The following TNFSF9 variants were observed in gnomAD, a reference collection of about 807,000 sequenced individuals.
The protein encoded by TNFSF9 is TNF superfamily member 9, also known as tumor necrosis factor ligand superfamily member 9.
A neutral mutation model predicts 10.3 loss-of-function variants in TNFSF9; 10 were observed. The observed-to-expected ratio is 0.97, with a 90% CI of 0.60 to 1.65. The LOEUF (loss-of-function observed/expected upper bound fraction) is 1.65. Ranked by LOEUF, TNFSF9 falls within the 40% of genes most tolerant of loss-of-function variation. TNFSF9 has a pLI of 0.00. For synonymous variants in TNFSF9, 195 were observed against 176.1 expected, an observed-to-expected ratio of 1.11 and a Z score of -0.85; for missense variants, 361 against 348.9, an observed-to-expected ratio of 1.03 and a Z score of -0.28.
chr19:6,534,489 C>T (rs1394433240), intron 2 of TNFSF9, 111 bp from the exon 3 acceptor site: 3 of 1,131,398 alleles, frequency 2.7e-6, no homozygotes, highest in Non-Finnish European at 1.2e-6. Flanking sequence ...GCCCCCCGGC[C>T]CCTGACCCGT....
rs534058695 is a variant in TNFSF9 at position 6,531,299 on chromosome 19, G to C, written c.263G>C (p.Arg88Pro). 9 of 1,491,996 alleles carry C rather than the reference G, an allele frequency of 6.0e-6. No individual in the cohort carries two copies. The South Asian group carries it at 1.2e-4, about 20-fold the overall frequency. 92.4% of individuals were successfully genotyped at this position (1,491,996 alleles called of 1,614,324 possible). ...PDDPAGLLDL[R>P]QGMFAQLVAQ... ...GATCCCGCCGGCCTCTTGGACCTGC[G>C]GCAGGTGAGACGTGCCCCGACCCTC... is the stretch of plus-strand genomic sequence containing the variant. The change falls in exon 1 of 3, where the codon CGG becomes CCG. Residue 88 changes from arginine to proline, a missense_variant. Coordinates refer to ENST00000245817, the MANE Select transcript of TNFSF9 (RefSeq NM_003811.4).
rs993398114 is a variant in TNFSF9, at chr19:6,534,658, C to G, written c.357C>G (p.Ser119=). 3.1e-6 allele frequency: 5 copies of G among 1,589,960 alleles called. No individual in the cohort carries two copies. The highest frequency in any genetic ancestry group is 4.3e-6 in the Non-Finnish European group (5 of 1,168,970). The part of the protein sequence containing the change: ...WYSDPGLAGV[S]LTGGLSYKED... Reference sequence around the variant, plus strand: ...GTGACCCAGGCCTGGCAGGCGTGTCCCTGACGGGGGGCCTGAGCTACAAAG... The same window carrying G: ...GTGACCCAGGCCTGGCAGGCGTGTCGCTGACGGGGGGCCTGAGCTACAAAG... Residue 119 remains serine (S), a synonymous_variant, in exon 3 of 3, where the codon TCC becomes TCG. Transcript: ENST00000245817.
At chr19:6,532,303 GTTTGTGTGGGTGTT>G in intron 1 of TNFSF9, among the ~76,000 whole-genome samples, 1 of 147,806 alleles carries the variant, frequency 6.8e-6, no homozygotes, top group African/African-American at 2.6e-5. Context: ...GTGTGTTCGT[GTTTGTGTGGGTGTT>G]TGTGTTCGTG....
chr19:6,531,820 G>A (rs959907720), intron 1 of TNFSF9, among the ~76,000 whole-genome samples: 4 of 152,048 alleles, frequency 2.6e-5, no homozygotes, highest in South Asian at 2.1e-4. Flanking sequence ...TGCACCCCGG[G>A]TCGGAGAAAG....
intron 2 of TNFSF9, 37 bp downstream of exon 2, chr19:6,532,853 C>T (rs367870700): frequency 3.1e-6 from 5 of 1,613,296 alleles, no homozygotes; most frequent in Admixed American, 1.7e-5. Context: ...CCTGGCCCCC[C>T]ACCATCCCCA....
chr19:6,535,087 C>T lies in TNFSF9; in HGVS notation c.*21C>T, dbSNP rs1265310015. 6.6e-7 allele frequency: 1 copy of T among 1,514,432 alleles called. No individual in the cohort carries two copies. The highest frequency in any genetic ancestry group is 8.8e-7 in the Non-Finnish European group (1 of 1,131,436). The allele number at this position is 1,514,432 out of a possible 1,614,324, so 93.8% of individuals were successfully genotyped here. A position where few individuals can be genotyped will look rare whatever the true frequency, so the allele number is the denominator to read the frequency against. ...AATAACGTCCAGCCTGGGTGCAGCC[C>T]ACCTGGACAGAGTCCGAATCCTACT... is the stretch of plus-strand genomic sequence containing the variant. On this transcript the variant is annotated 3_prime_UTR_variant, in exon 3 of 3. Transcript: ENST00000245817.
At chr19:6,532,163 AC>A (rs1915159428) in intron 1 of TNFSF9, among the ~76,000 whole-genome samples, 2 of 151,682 alleles carry the variant, frequency 1.3e-5, no homozygotes, top group African/African-American at 2.4e-5. Context: ...CCCTTTCAAG[AC>A]CCCCAGGGGA....
intron 2 of TNFSF9, 106 bp downstream of exon 2, chr19:6,532,922 G>A (rs1915180214): frequency 6.7e-7 from 1 of 1,502,678 alleles, no homozygotes; most frequent in Non-Finnish European, 9.2e-7. Flanking sequence ...CACTGGCTTT[G>A]ACCCTTGACC....
At position 6,531,112 on chromosome 19, in the gene TNFSF9, G is replaced by A. The variant is rs767006317; in HGVS notation, c.76G>A (p.Val26Ile). The A allele has an allele frequency of 1.2e-6, 2 of 1,610,564 alleles. No homozygotes were observed. The highest frequency in any genetic ancestry group is 4.5e-5 in the East Asian group (2 of 44,668). ...CGCGCCCCGCGCTCGCGCCTGCCGC[G>A]TACTGCCTTGGGCCCTGGTCGCGGG... ...PPAPRARACR[V>I]LPWALVAGLL... Residue 26 changes from valine (V) to isoleucine (I), a missense_variant, in exon 1 of 3, where the codon GTA (valine) becomes ATA (isoleucine). By Grantham distance (29) the Val-to-Ile change is conservative. Coordinates refer to ENST00000245817, the MANE Select transcript of TNFSF9 (RefSeq NM_003811.4).
In TNFSF9 at chr19:6,535,165, A is replaced by C. The variant is rs990419009; in HGVS notation, c.*99A>C. Reference sequence around the variant, plus strand: ...GGGTCCCTGCTGCTTTCTCTACCTCAAGGGGCTTGGCAGGGGTCCCTGCTG... The same window carrying C: ...GGGTCCCTGCTGCTTTCTCTACCTCCAGGGGCTTGGCAGGGGTCCCTGCTG... On this transcript the variant is annotated 3_prime_UTR_variant, in exon 3 of 3. Coordinates refer to ENST00000245817, the MANE Select transcript of TNFSF9 (RefSeq NM_003811.4). 1.1e-5 allele frequency: 15 copies of C among 1,316,770 alleles called. No individual in the cohort carries two copies. The highest frequency in any genetic ancestry group is 5.0e-4 in the Middle Eastern group (2 of 4,024). The allele number at this position is 1,316,770 out of a possible 1,614,324, so 81.6% of individuals were successfully genotyped here. A position where few individuals can be genotyped will look rare whatever the true frequency, so the allele number is the denominator to read the frequency against.
chr19:6,534,610 C>A lies in TNFSF9; in HGVS notation c.309C>A (p.Ile103=), dbSNP rs544328145. The change falls in exon 3 of 3, where the codon ATC becomes ATA. Residue 103 remains isoleucine, a synonymous_variant. Coordinates refer to ENST00000245817, the MANE Select transcript of TNFSF9 (RefSeq NM_003811.4). ...GCTTTCCTCCCACAGTTCTGCTGAT[C>A]GATGGGCCCCTGAGCTGGTACAGTG... ...AQLVAQNVLL[I]DGPLSWYSDP... is the part of the protein sequence containing the mutation. The A allele has an allele frequency of 3.2e-6, 5 of 1,570,564 alleles. No individual in the cohort carries two copies. In the Admixed American group the frequency reaches 5.6e-5, roughly 18 times the overall value.
intron 2 of TNFSF9, among the ~76,000 whole-genome samples, chr19:6,533,120 C>T (rs1915183790): frequency 6.6e-6 from 1 of 151,840 alleles, no homozygotes; most frequent in South Asian, 2.1e-4. Flanking sequence ...TGTCTCTGGC[C>T]TCCTTCTTTT....
rs192356176 is a variant in TNFSF9 at position 6,534,244 on chromosome 19, G to A, written c.299-356G>A. 1.1e-3 allele frequency among the ~76,000 whole-genome samples: 160 copies of A among 145,496 alleles called. No individual in the cohort carries two copies. The South Asian group carries it at 0.011, about 10-fold the overall frequency. ...TTCCTGCATGTCTTTCCCCGCACCC[G>A]CATCACTCCTTCCCCACCCAACCTC... On this transcript the variant is annotated intron_variant, in intron 2 of 2. Transcript: ENST00000245817.
chr19:6,531,841 C>T (rs945164905), intron 1 of TNFSF9, among the ~76,000 whole-genome samples: 108 of 152,208 alleles, frequency 7.1e-4, no homozygotes, highest in African/African-American at 2.5e-3. Flanking sequence ...GCTGGCTTCC[C>T]TCCATGTGGC....
intron 2 of TNFSF9, among the ~76,000 whole-genome samples, chr19:6,533,267 T>G (rs1599429208): frequency 1.4e-5 from 1 of 72,624 alleles, no homozygotes; most frequent in Non-Finnish European, 2.6e-5. Flanking sequence ...CAGGCCCTCC[T>G]CCTGTCCCCT....
chr19:6,532,478 T>TG (rs1915169782), intron 1 of TNFSF9, among the ~76,000 whole-genome samples: 1 of 151,558 alleles, frequency 6.6e-6, no homozygotes, highest in Non-Finnish European at 1.5e-5. Context: ...TGTTCGTGTG[T>TG]GTCTGTGTGT....
At chr19:6,533,190 G>A (rs945909372) in intron 2 of TNFSF9, among the ~76,000 whole-genome samples, 12 of 139,914 alleles carry the variant, frequency 8.6e-5, no homozygotes, top group African/African-American at 2.7e-4. Context: ...CACTCTCCCA[G>A]CCTCTCTTCC....
chr19:6,535,286 A>ATT lies in TNFSF9; in HGVS notation c.*221_*222dup, dbSNP rs927767559. ...TGAGCTCAGATAATATATTATATAT[A>ATT]TTATATATATATATATATTTCTATT... On this transcript the variant is annotated 3_prime_UTR_variant, in exon 3 of 3. Coordinates refer to ENST00000245817, the MANE Select transcript of TNFSF9 (RefSeq NM_003811.4). 4 of 137,646 alleles carry ATT rather than the reference A, an allele frequency of 2.9e-5. No individual in the cohort carries two copies. Among genetic ancestry groups the ATT allele is most frequent in the African/African-American group, 1.2e-4 (4 of 32,112 alleles). 8.5% of individuals were successfully genotyped at this position (137,646 alleles called of 1,614,324 possible). A position where few individuals can be genotyped will look rare whatever the true frequency, so the allele number is the denominator to read the frequency against.
At position 6,534,761 on chromosome 19, in the gene TNFSF9, G is replaced by A. The variant is rs751173282; in HGVS notation, c.460G>A (p.Ala154Thr). The A allele has an allele frequency of 3.6e-5, 57 of 1,598,610 alleles. No individual in the cohort carries two copies. Among genetic ancestry groups the A allele is most frequent in the Non-Finnish European group, 4.9e-5 (57 of 1,173,430 alleles). ...FFQLELRRVV[A>T]GEGSGSVSLA... ...TCAACTAGAGCTGCGGCGCGTGGTG[G>A]CCGGCGAGGGCTCAGGCTCCGTTTC... The change falls in exon 3 of 3, where the codon GCC becomes ACC. Residue 154 changes from alanine to threonine, a missense_variant. Transcript: ENST00000245817.
Sources: allele counts gnomAD v4.1 joint callset (sites outside exome capture counted in the v4.1 genomes callset), GRCh38; gene constraint gnomAD v4.1.1; transcripts MANE v1.5; gene names NCBI Gene and HGNC (gene_info 2026-07-23, HGNC 2026-07-21).